EXOC4: variants seen among roughly 807,000 people sequenced by gnomAD.
EXOC4 encodes the protein SEC8-like 1.
A neutral mutation model predicts 107.2 loss-of-function variants in EXOC4; 71 were observed. The observed-to-expected ratio is 0.66, with a 90% CI of 0.55 to 0.81. The LOEUF (loss-of-function observed/expected upper bound fraction) is 0.81, where lower values mean the gene tolerates loss of function less well. EXOC4 is among the 30% of genes least tolerant of loss of function. EXOC4 has a pLI of 0.00. For missense variants in EXOC4, 1,108 were observed against 1,189.6 expected (o/e 0.93, Z 1.01); for synonymous variants, 456 against 441.2 (o/e 1.03, Z -0.42).
chr7:133,812,421 C>T (rs1402303645), intron 10 of EXOC4, among the ~76,000 whole-genome samples: 1 of 152,076 alleles, frequency 6.6e-6, no homozygotes, highest in African/African-American at 2.4e-5. Flanking sequence ...CATTCCAGGT[C>T]CAAACTCTGG....
intron 6 of EXOC4, among the ~76,000 whole-genome samples, chr7:133,371,928 T>C (rs146834162): frequency 6.6e-6 from 1 of 152,318 alleles, no homozygotes; most frequent in African/African-American, 2.4e-5. Flanking sequence ...GTAACCATCC[T>C]AGTGGACCGA....
At position 133,878,859 on chromosome 7, in the gene EXOC4, G is replaced by A. The variant is rs1007785061; in HGVS notation, c.1735-16740G>A. ...CTGCGTCAGTCTCCTGAGTAGCTGGGGACTACAGGTGTGCTCCACCATGCC... is the reference window on the plus strand; with the variant it reads ...CTGCGTCAGTCTCCTGAGTAGCTGGAGACTACAGGTGTGCTCCACCATGCC... On this transcript the variant is annotated intron_variant, in intron 11 of 17. Coordinates refer to ENST00000253861, the MANE Select transcript of EXOC4 (RefSeq NM_021807.4). 3.9e-5 allele frequency among the ~76,000 whole-genome samples: 6 copies of A among 152,148 alleles called. No individual in the cohort carries two copies. The East Asian group carries it at 1.2e-3, about 29-fold the overall frequency.
intron 10 of EXOC4, among the ~76,000 whole-genome samples, chr7:133,802,985 T>G (rs780969447): frequency 1.4e-4 from 21 of 151,992 alleles, no homozygotes; most frequent in Non-Finnish European, 2.5e-4. Flanking sequence ...CTAAAGACAT[T>G]AATAAGTGTG....
chr7:133,320,040 G>A (rs1584807910), intron 5 of EXOC4, among the ~76,000 whole-genome samples: 1 of 152,078 alleles, frequency 6.6e-6, no homozygotes, highest in East Asian at 1.9e-4. Context: ...TTACAGATGA[G>A]AAAACTGAGG....
chr7:133,860,332 C>T (rs562938949), intron 11 of EXOC4, among the ~76,000 whole-genome samples: 33 of 152,308 alleles, frequency 2.2e-4, no homozygotes, highest in African/African-American at 7.7e-4. Flanking sequence ...TTTTCCACAG[C>T]ATTTCTACAT....
At chr7:133,394,145 G>C (rs1264623406) in intron 7 of EXOC4, among the ~76,000 whole-genome samples, 1 of 152,162 alleles carries the variant, frequency 6.6e-6, no homozygotes, top group African/African-American at 2.4e-5. Flanking sequence ...CTATTATATA[G>C]CCAATGCTCG....
chr7:134,014,791 G>C (rs1055680115), intron 17 of EXOC4, among the ~76,000 whole-genome samples: 2 of 151,546 alleles, frequency 1.3e-5, no homozygotes, highest in Non-Finnish European at 2.9e-5. Context: ...CTCGATGAAG[G>C]AGTTTAAAAA....
chr7:133,692,807 C>T (rs1304731155), intron 10 of EXOC4, among the ~76,000 whole-genome samples: 1 of 152,154 alleles, frequency 6.6e-6, no homozygotes, highest in Non-Finnish European at 1.5e-5. Context: ...TAACCTTTCT[C>T]CTCCTCCTTA....
intron 7 of EXOC4, among the ~76,000 whole-genome samples, chr7:133,464,811 G>GTTTT (rs3046149): frequency 0.11 from 5,611 of 50,908 alleles, 982 homozygotes; most frequent in Middle Eastern, 0.24. Flanking sequence ...GGTTGGGTTG[G>GTTTT]TTTTTTTTTT....
At chr7:133,997,723 T>G in intron 15 of EXOC4, 90 bp downstream of exon 15, 1 of 1,423,430 alleles carries the variant, frequency 7.0e-7, no homozygotes, top group Non-Finnish European at 9.6e-7. Context: ...TCACCATAAT[T>G]TCTGGCTCAT....
chr7:133,955,269 G>A (rs1028276474), intron 14 of EXOC4, among the ~76,000 whole-genome samples: 1 of 152,226 alleles, frequency 6.6e-6, no homozygotes, highest in African/African-American at 2.4e-5. Flanking sequence ...GTGGAGACCT[G>A]CAGTGGGTAA....
intron 9 of EXOC4, among the ~76,000 whole-genome samples, chr7:133,513,236 T>G (rs577086339): frequency 1.3e-5 from 2 of 152,184 alleles, no homozygotes; most frequent in Non-Finnish European, 2.9e-5. Context: ...GACTGGCTAA[T>G]TTTTGTATTT....
chr7:133,278,309 G>C (rs1794045624), intron 2 of EXOC4, among the ~76,000 whole-genome samples: 1 of 152,198 alleles, frequency 6.6e-6, no homozygotes, highest in Non-Finnish European at 1.5e-5. Flanking sequence ...TTCTGTCCTT[G>C]TGGAGTTAAA....
At chr7:133,418,637 C>T (rs781519020) in intron 7 of EXOC4, among the ~76,000 whole-genome samples, 4 of 152,130 alleles carry the variant, frequency 2.6e-5, no homozygotes, top group Admixed American at 6.5e-5. Context: ...ATATACACGA[C>T]CCACCTCCTG....
intron 10 of EXOC4, among the ~76,000 whole-genome samples, chr7:133,648,353 T>G (rs1321495514): frequency 6.6e-6 from 1 of 152,216 alleles, no homozygotes; most frequent in African/African-American, 2.4e-5. Flanking sequence ...CTGTTGGCAC[T>G]GTCTTCTGGA....
chr7:133,332,363 G>A (rs867759381), intron 5 of EXOC4, among the ~76,000 whole-genome samples: 1 of 152,168 alleles, frequency 6.6e-6, no homozygotes, highest in Non-Finnish European at 1.5e-5. Context: ...GGGCACAGTG[G>A]CTCATGCCTG....
At chr7:133,846,503 G>T (rs1013478585) in intron 11 of EXOC4, among the ~76,000 whole-genome samples, 13 of 152,290 alleles carry the variant, frequency 8.5e-5, no homozygotes, top group Admixed American at 5.9e-4. Flanking sequence ...GGTTTAGGGA[G>T]TCCCTTTCCA....
chr7:133,898,850 T>C (rs13312097), intron 12 of EXOC4, among the ~76,000 whole-genome samples: 91,902 of 148,524 alleles, frequency 0.62, 30,596 homozygotes, highest in African/African-American at 0.89. Flanking sequence ...TGGTGGTGTA[T>C]GCCTATAATC....
intron 10 of EXOC4, among the ~76,000 whole-genome samples, chr7:133,642,852 C>T (rs1802892253): frequency 6.6e-6 from 1 of 152,060 alleles, no homozygotes; most frequent in South Asian, 2.1e-4. Context: ...ATGCTATTTT[C>T]AAAATTTTTT....
Sources: allele counts gnomAD v4.1 joint callset (sites outside exome capture counted in the v4.1 genomes callset), GRCh38; gene constraint gnomAD v4.1.1; transcripts MANE v1.5; gene names NCBI Gene and HGNC (gene_info 2026-07-23, HGNC 2026-07-21).